SELENOO: variants seen among roughly 807,000 people sequenced by gnomAD.
SELENOO encodes protein adenylyltransferase SelO, mitochondrial.
A neutral mutation model predicts 58.7 loss-of-function variants in SELENOO; 74 were observed. The ratio of observed to expected loss-of-function variants is 1.26; its 90% CI spans 1.04 to 1.53. The LOEUF is 1.53. Ranked by LOEUF, SELENOO falls within the 40% of genes most tolerant of loss-of-function variation. SELENOO has a pLI of 0.00. For missense variants in SELENOO, 1,149 were observed against 970.0 expected, an observed-to-expected ratio of 1.18 and a Z score of -2.45; for synonymous variants, 543 against 453.2, an observed-to-expected ratio of 1.20 and a Z score of -2.52.
At chr22:50,204,309 C>G (rs190438955) in intron 1 of SELENOO, among the ~76,000 whole-genome samples, 1 of 151,876 alleles carries the variant, frequency 6.6e-6, no homozygotes, top group Non-Finnish European at 1.5e-5. Context: ...TCAGCCTGGG[C>G]GACAGGGCAA....
At chr22:50,208,197 C>T (rs956562765) in intron 2 of SELENOO, among the ~76,000 whole-genome samples, 3 of 152,006 alleles carry the variant, frequency 2.0e-5, no homozygotes, top group African/African-American at 4.8e-5. Context: ...TTTGGGAGGC[C>T]GAGGCGGGTG....
intron 3 of SELENOO, 69 bp from the exon 4 acceptor site, chr22:50,210,112 A>T: frequency 1.3e-6 from 2 of 1,558,542 alleles, no homozygotes; most frequent in Non-Finnish European, 1.7e-6. Context: ...AGGGAGGGGA[A>T]GGATGGACAC....
rs1161765396 is a variant in SELENOO, at chr22:50,210,609, GCT to G, written c.1071-17_1071-16del. 2 of 1,612,514 alleles carry G rather than the reference GCT, an allele frequency of 1.2e-6. No individual in the cohort carries two copies. Among genetic ancestry groups the G allele is most frequent in the Non-Finnish European group, 1.7e-6 (2 of 1,179,812 alleles). ...GGAACTTCCTCTCAGGCAGGGCGTG[GCT>G]CTCTTGCCCCGTGTGGCAGGTACGA... On this transcript the variant is annotated intron_variant, in intron 4 of 8. Coordinates refer to ENST00000380903, the MANE Select transcript of SELENOO (RefSeq NM_031454.2).
chr22:50,211,947 C>T (rs757747138), intron 5 of SELENOO, among the ~76,000 whole-genome samples: 13 of 152,238 alleles, frequency 8.5e-5, no homozygotes, highest in Non-Finnish European at 1.6e-4. Flanking sequence ...AGGTGATCTG[C>T]CCACCTCAGC....
chr22:50,215,365 G>T (rs1236481604), intron 5 of SELENOO, among the ~76,000 whole-genome samples: 1 of 152,014 alleles, frequency 6.6e-6, no homozygotes, highest in Non-Finnish European at 1.5e-5. Flanking sequence ...CTGAGGAGTG[G>T]GGTGTGGAGG....
At chr22:50,210,350 G>A (rs1226467061) in intron 4 of SELENOO, 39 bp downstream of exon 4, 5 of 1,597,370 alleles carry the variant, frequency 3.1e-6, no homozygotes, top group Non-Finnish European at 4.3e-6. Context: ...CAGGCCCCAG[G>A]GCTGGGGGGT....
At position 50,208,799 on chromosome 22, in the gene SELENOO, G is replaced by A. The variant is rs990507468; in HGVS notation, c.939+83G>A. 14 of 1,365,284 alleles carry A rather than the reference G, an allele frequency of 1.0e-5. No individual in the cohort carries two copies. In the African/African-American group the frequency reaches 2.0e-4, roughly 20 times the overall value. The allele number at this position is 1,365,284 out of a possible 1,614,324, so 84.6% of individuals were successfully genotyped here. On this transcript the variant is annotated intron_variant, in intron 3 of 8. Transcript: ENST00000380903. ...GTTGAAGACACCCTCATTTTGGCCG[G>A]GGGACAAAGGCTTTTACCCAGCCTC...
intron 5 of SELENOO, among the ~76,000 whole-genome samples, chr22:50,212,828 G>A (rs538325198): frequency 2.0e-5 from 3 of 151,290 alleles, no homozygotes; most frequent in Admixed American, 6.6e-5. Flanking sequence ...GTTACGCAGC[G>A]TGTGCCTGTT....
chr22:50,208,867 CAT>C (rs1460359390), intron 3 of SELENOO, 151 bp downstream of exon 3: 10 of 723,476 alleles, frequency 1.4e-5, no homozygotes, highest in South Asian at 3.7e-5. Context: ...CAAACCCCAT[CAT>C]GTGTGCTCGG....
rs772052635 is a variant in SELENOO, at chr22:50,215,965, G to T, written c.1502+98G>T. ...GAGAAGCTAGAGACAGAGCTGGCTG[G>T]GGCCCAGGTGGCTGCTCCGCTCCCA... On this transcript the variant is annotated intron_variant, in intron 6 of 8. Transcript: ENST00000380903. 2.6e-4 allele frequency: 291 copies of T among 1,118,156 alleles called. 1 individual carries two copies. The highest frequency in any genetic ancestry group is 4.8e-4 in the Admixed American group (20 of 41,704). The allele number at this position is 1,118,156 out of a possible 1,614,324, so 69.3% of individuals were successfully genotyped here. A position where few individuals can be genotyped will look rare whatever the true frequency, so the allele number is the denominator to read the frequency against.
chr22:50,217,371 G>C lies in SELENOO; in HGVS notation c.*2G>C. The C allele has an allele frequency of 6.2e-7, 1 of 1,612,574 alleles. No homozygotes were observed. Among genetic ancestry groups the C allele is most frequent in the Non-Finnish European group, 8.5e-7 (1 of 1,179,896 alleles). ...CTGTGCGTGACATGATCTTCGTAAC[G>C]GCCTCGGCACGCTCCACACCCCTGG... On this transcript the variant is annotated 3_prime_UTR_variant, in exon 9 of 9. Transcript: ENST00000380903.
intron 3 of SELENOO, among the ~76,000 whole-genome samples, chr22:50,209,729 C>G (rs1055209926): frequency 1.4e-4 from 22 of 152,304 alleles, no homozygotes; most frequent in South Asian, 4.1e-4. Context: ...CCTGGCCCCC[C>G]TGTTGATTGG....
Position 50,210,898 on chromosome 22 carries a change from C to G in SELENOO, c.1338C>G (p.Thr446=), listed in dbSNP as rs371164180. ...CGCTGGTGTCCAAGCTCCTGGAGACCATGCATCTGACCGGTGAGTGACCCA... is the reference window on the plus strand; with the variant it reads ...CGCTGGTGTCCAAGCTCCTGGAGACGATGCATCTGACCGGTGAGTGACCCA... ...DGALVSKLLE[T]MHLTGADFTN... Residue 446 remains threonine, a synonymous_variant, in exon 5 of 9, where the codon ACC becomes ACG. Transcript: ENST00000380903. 8.1e-6 allele frequency: 13 copies of G among 1,613,948 alleles called. No individual in the cohort carries two copies. The highest frequency in any genetic ancestry group is 1.1e-5 in the Non-Finnish European group (13 of 1,180,036).
chr22:50,205,200 G>A (rs4838862), intron 1 of SELENOO, among the ~76,000 whole-genome samples: 24,961 of 64,158 alleles, frequency 0.39, 4,546 homozygotes, highest in South Asian at 0.49. Flanking sequence ...CAAAGTTTCA[G>A]TTTCACAAGA....
At position 50,210,662 on chromosome 22, in the gene SELENOO, G is replaced by A. The variant is rs373024917; in HGVS notation, c.1102G>A (p.Asp368Asn). Residue 368 changes from aspartate to asparagine, a missense_variant, in exon 5 of 9, where the codon GAC (aspartate) becomes AAC (asparagine). Physicochemically the swap from Asp to Asn is conservative, Grantham distance 23 (BLOSUM62 1). Coordinates refer to ENST00000380903, the MANE Select transcript of SELENOO (RefSeq NM_031454.2). ...CCCCGACCACGTGTGCAATGCCTCCGACAACACCGGCCGCTACGCGTACAG... is the reference window on the plus strand; with the variant it reads ...CCCCGACCACGTGTGCAATGCCTCCAACAACACCGGCCGCTACGCGTACAG... ...YDPDHVCNAS[D>N]NTGRYAYSKQ... The A allele has an allele frequency of 3.0e-5, 49 of 1,612,988 alleles. No individual in the cohort carries two copies. Among genetic ancestry groups the A allele is most frequent in the Middle Eastern group, 3.3e-4 (2 of 6,058 alleles).
chr22:50,202,074 G>A (rs1414090172), intron 1 of SELENOO, among the ~76,000 whole-genome samples: 2 of 152,166 alleles, frequency 1.3e-5, no homozygotes, highest in East Asian at 3.9e-4. Context: ...CAGGATCTGG[G>A]TCCAGATGCC....
chr22:50,216,567 C>A, intron 6 of SELENOO, 124 bp from the exon 7 acceptor site: 1 of 887,428 alleles, frequency 1.1e-6, no homozygotes, highest in Non-Finnish European at 1.7e-6. Context: ...CCTCGGGGAC[C>A]GGGCTGCTTG....
chr22:50,204,729 G>C (rs989762845), intron 1 of SELENOO, among the ~76,000 whole-genome samples: 1 of 152,188 alleles, frequency 6.6e-6, no homozygotes, highest in South Asian at 2.1e-4. Context: ...GTGGAAAACA[G>C]TGTGGAAGTT....
rs192923136 is a variant in SELENOO at position 50,204,656 on chromosome 22, C to T, written c.555-1661C>T. On this transcript the variant is annotated intron_variant, in intron 1 of 8. Transcript: ENST00000380903. ...AAAAATCGTAAGTTAAAAAGTGTTGCGGCTGTGGAGAAATTGGAACCCTTC... is the reference window on the plus strand; with the variant it reads ...AAAAATCGTAAGTTAAAAAGTGTTGTGGCTGTGGAGAAATTGGAACCCTTC... Among the ~76,000 whole-genome samples the T allele has an allele frequency of 3.0e-3, 451 of 151,838 alleles. 2 individuals carry two copies. Among genetic ancestry groups the T allele is most frequent in the Middle Eastern group, 0.027 (8 of 292 alleles).
Sources: allele counts gnomAD v4.1 joint callset (sites outside exome capture counted in the v4.1 genomes callset), GRCh38; gene constraint gnomAD v4.1.1; transcripts MANE v1.5; gene names NCBI Gene and HGNC (gene_info 2026-07-23, HGNC 2026-07-21).